Variants in TRAF3IP2 observed in about 807,000 individuals in gnomAD.
TRAF3IP2 encodes E3 ubiquitin ligase TRAF3IP2.
Under a neutral mutation model 57.9 loss-of-function variants are expected in TRAF3IP2, and 35 were observed. That is an observed-to-expected ratio of 0.60 (90% CI 0.46 to 0.80). The LOEUF (loss-of-function observed/expected upper bound fraction) is 0.80. Among genes scored for constraint, TRAF3IP2 ranks in the 30% least tolerant of loss-of-function variants. TRAF3IP2 has a pLI of 0.00. For synonymous variants in TRAF3IP2, 251 were observed against 268.9 expected (o/e 0.93, Z 0.65); for missense variants, 556 against 706.4 (o/e 0.79, Z 2.41).
intron 5 of TRAF3IP2, among the ~76,000 whole-genome samples, chr6:111,571,658 G>A (rs897987302): frequency 5.3e-5 from 8 of 152,126 alleles, no homozygotes; most frequent in Admixed American, 2.0e-4. Flanking sequence ...CGAGTGCAGT[G>A]ACTCACACCT....
chr6:111,567,345 T>C (rs1484923629), intron 6 of TRAF3IP2: 35 of 1,165,294 alleles, frequency 3.0e-5, no homozygotes, highest in Non-Finnish European at 3.7e-5. Flanking sequence ...TCCGCCTTCA[T>C]TTCCTTCTTT....
Position 111,555,829 on chromosome 6 carries a change from C to T in TRAF3IP2, c.*3576G>A, listed in dbSNP as rs531640685. 3.3e-5 allele frequency among the ~76,000 whole-genome samples: 5 copies of T among 152,238 alleles called. No homozygotes were observed. Among genetic ancestry groups the T allele is most frequent in the South Asian group, 2.1e-4 (1 of 4,826 alleles). On this transcript the variant is annotated 3_prime_UTR_variant, in exon 9 of 9. Transcript: ENST00000368761. ...GTTACAATTCCTTTGATGGGCCGGG[C>T]GTGGTGGCTCATGCCTGTAATCCCA...
rs529322462 is a variant in TRAF3IP2, at chr6:111,567,890, A to C, written c.1291-198T>G. On this transcript the variant is annotated intron_variant, in intron 5 of 8. Transcript: ENST00000368761. ...CTATTTCAACATTAGTAGGCATTTA[A>C]GTAGTTAATGTTATGTCCATAATTA... 3.3e-5 allele frequency among the ~76,000 whole-genome samples: 5 copies of C among 152,368 alleles called. No homozygotes were observed. In the East Asian group the frequency reaches 7.7e-4, roughly 23 times the overall value.
intron 4 of TRAF3IP2, 56 bp downstream of exon 4, chr6:111,575,587 C>CAAA (rs60481646): frequency 9.1e-5 from 125 of 1,369,410 alleles, no homozygotes; most frequent in Non-Finnish European, 1.1e-4. Flanking sequence ...GACTCCGTCT[C>CAAA]AAAAAAAAAA....
intron 8 of TRAF3IP2, among the ~76,000 whole-genome samples, chr6:111,560,683 C>A (rs902925707): frequency 6.6e-6 from 1 of 152,150 alleles, no homozygotes; most frequent in Admixed American, 6.5e-5. Flanking sequence ...CTGTGCTGGG[C>A]TCAGGTAATA....
At chr6:111,580,887 C>T (rs1477977768) in intron 2 of TRAF3IP2, among the ~76,000 whole-genome samples, 2 of 152,232 alleles carry the variant, frequency 1.3e-5, no homozygotes, top group Non-Finnish European at 2.9e-5. Context: ...CCACTCTCCT[C>T]TTAAGAAGAG....
rs1433649369 is a variant in TRAF3IP2 at position 111,567,504 on chromosome 6, T to C, written c.1359+120A>G. ...ACGGCTTCCAACAAGGGAGGCTTTG[T>C]TGGGGCTTTCTCAGCTTCAGACTTA... is the stretch of plus-strand genomic sequence containing the variant. On this transcript the variant is annotated intron_variant, in intron 6 of 8. Coordinates refer to ENST00000368761, the MANE Select transcript of TRAF3IP2 (RefSeq NM_147686.4). The C allele has an allele frequency of 1.5e-5, 20 of 1,332,742 alleles. No homozygotes were observed. In the South Asian group the frequency reaches 3.0e-4, roughly 20 times the overall value. The allele number at this position is 1,332,742 out of a possible 1,614,324, so 82.6% of individuals were successfully genotyped here.
intron 1 of TRAF3IP2, among the ~76,000 whole-genome samples, chr6:111,602,456 G>C (rs988694295): frequency 6.6e-6 from 1 of 152,102 alleles, no homozygotes; most frequent in African/African-American, 2.4e-5. Flanking sequence ...AAAACCAAGA[G>C]AGGAAGAGGA....
chr6:111,596,530 T>C (rs1406333062), intron 1 of TRAF3IP2, among the ~76,000 whole-genome samples: 1 of 152,222 alleles, frequency 6.6e-6, no homozygotes, highest in Non-Finnish European at 1.5e-5. Context: ...CTCGGCTCAC[T>C]GCAACCTCTG....
Position 111,578,793 on chromosome 6 carries a change from C to T in TRAF3IP2, c.1022+1404G>A, listed in dbSNP as rs941154088. On this transcript the variant is annotated intron_variant, in intron 3 of 8. Transcript: ENST00000368761. The stretch of plus-strand genomic sequence containing the variant: ...TCCATGAAATGTTCAAACTAATTAC[C>T]GCTTTCTGTATTTCTGAAAAATCCA... 2.6e-5 allele frequency among the ~76,000 whole-genome samples: 4 copies of T among 152,226 alleles called. No homozygotes were observed. The South Asian group carries it at 6.2e-4, about 24-fold the overall frequency.
At chr6:111,571,810 G>A (rs1327207874) in intron 5 of TRAF3IP2, among the ~76,000 whole-genome samples, 1 of 151,516 alleles carries the variant, frequency 6.6e-6, no homozygotes, top group East Asian at 2.0e-4. Flanking sequence ...GTGGGCACCT[G>A]TAATCCTAGC....
At chr6:111,586,357 C>A (rs1001632580) in intron 2 of TRAF3IP2, among the ~76,000 whole-genome samples, 5 of 151,798 alleles carry the variant, frequency 3.3e-5, no homozygotes, top group Admixed American at 3.3e-4. Flanking sequence ...AGACTTAATT[C>A]TCTCTCTTTT....
At position 111,592,009 on chromosome 6, in the gene TRAF3IP2, A is replaced by G; in HGVS notation, c.78T>C (p.Tyr26=). The G allele has an allele frequency of 6.2e-7, 1 of 1,614,198 alleles. No homozygotes were observed. ...PSQLLKPIPE[Y]SPEEESEPPA... Reference sequence around the variant, plus strand: ...GTGGTTCTGATTCCTCTTCCGGGGAATATTCTGGGATTGGTTTCAGCAACT... The same window carrying G: ...GTGGTTCTGATTCCTCTTCCGGGGAGTATTCTGGGATTGGTTTCAGCAACT... Residue 26 remains tyrosine (Y), a synonymous_variant, in exon 2 of 9, where the codon TAT becomes TAC. Coordinates refer to ENST00000368761, the MANE Select transcript of TRAF3IP2 (RefSeq NM_147686.4).
intron 7 of TRAF3IP2, among the ~76,000 whole-genome samples, chr6:111,566,000 C>G (rs1795623484): frequency 6.6e-6 from 1 of 152,182 alleles, no homozygotes; most frequent in South Asian, 2.1e-4. Flanking sequence ...CCAACTTTAA[C>G]CAGGCCCACA....
chr6:111,595,307 G>A (rs1440542111), intron 1 of TRAF3IP2, among the ~76,000 whole-genome samples: 1 of 152,122 alleles, frequency 6.6e-6, no homozygotes, highest in East Asian at 1.9e-4. Context: ...ACCTGGCATG[G>A]CAAGAAACAA....
At chr6:111,603,340 C>T (rs1385033823) in intron 1 of TRAF3IP2, among the ~76,000 whole-genome samples, 2 of 152,150 alleles carry the variant, frequency 1.3e-5, no homozygotes, top group African/African-American at 4.8e-5. Flanking sequence ...ATGGAAAAAT[C>T]CTTCAGACTG....
chr6:111,599,481 A>G (rs550532258), intron 1 of TRAF3IP2, among the ~76,000 whole-genome samples: 2 of 152,152 alleles, frequency 1.3e-5, no homozygotes, highest in South Asian at 4.2e-4. Context: ...CCATGTGACA[A>G]TGCTCCCTTG....
chr6:111,597,641 AT>A (rs1263216753), intron 1 of TRAF3IP2, among the ~76,000 whole-genome samples: 1 of 152,200 alleles, frequency 6.6e-6, no homozygotes, highest in African/African-American at 2.4e-5. Context: ...GTATCTCACC[AT>A]TGTATTTTTA....
At position 111,559,337 on chromosome 6, in the gene TRAF3IP2, C is replaced by T. The variant is rs926454541; in HGVS notation, c.*68G>A. ...AGCCAGGAGTGCTACCGACCAGCCTCAGCCAGAATGCTGTCAGAACAAGGC... is the reference window on the plus strand; with the variant it reads ...AGCCAGGAGTGCTACCGACCAGCCTTAGCCAGAATGCTGTCAGAACAAGGC... On this transcript the variant is annotated 3_prime_UTR_variant, in exon 9 of 9. Transcript: ENST00000368761. 11 of 1,566,614 alleles carry T rather than the reference C, an allele frequency of 7.0e-6. No homozygotes were observed. The highest frequency in any genetic ancestry group is 1.9e-5 in the Admixed American group (1 of 52,670).
Sources: gnomAD v4.1 joint callset for allele counts (sites outside exome capture counted in the v4.1 genomes callset) on GRCh38, gnomAD v4.1.1 for gene constraint, MANE v1.5 for transcripts, NCBI Gene and HGNC (gene_info 2026-07-23, HGNC 2026-07-21) for gene names.